Variants in PSTPIP2 observed in about 807,000 individuals in gnomAD.
PSTPIP2 encodes proline-serine-threonine phosphatase interacting protein 2, also known as proline-serine-threonine phosphatase-interacting protein 2.
A neutral mutation model predicts 63.3 loss-of-function variants in PSTPIP2; 33 were observed. That is an observed-to-expected ratio of 0.52 (90% CI 0.40 to 0.70). The LOEUF (loss-of-function observed/expected upper bound fraction) is 0.70, where lower values mean the gene tolerates loss of function less well. Among genes scored for constraint, PSTPIP2 ranks in the 30% least tolerant of loss-of-function variants. The pLI is 0.00. For missense variants in PSTPIP2, 312 were observed against 400.7 expected, an observed-to-expected ratio of 0.78 and a Z score of 1.89; for synonymous variants, 125 against 132.7, an observed-to-expected ratio of 0.94 and a Z score of 0.40.
chr18:46,029,433 ATG>A, intron 2 of PSTPIP2: 1 of 1,398,572 alleles, frequency 7.2e-7, no homozygotes, highest in South Asian at 1.2e-5. Flanking sequence ...TATGTTTGGG[ATG>A]TGAACTCAAG....
At chr18:46,002,490 T>A (rs751607694) in intron 6 of PSTPIP2, among the ~76,000 whole-genome samples, 3 of 152,250 alleles carry the variant, frequency 2.0e-5, no homozygotes, top group Admixed American at 6.5e-5. Context: ...GTTAACCAAT[T>A]CTTTCTTCTG....
At chr18:45,987,277 C>T (rs540664126) in intron 14 of PSTPIP2, among the ~76,000 whole-genome samples, 7 of 152,204 alleles carry the variant, frequency 4.6e-5, no homozygotes, top group South Asian at 4.1e-4. Context: ...TGGTATAGAA[C>T]GCTATAGAAA....
chr18:46,005,558 A>AT (rs1258727844), intron 5 of PSTPIP2, 27 bp from the exon 6 acceptor site: 1 of 1,476,572 alleles, frequency 6.8e-7, no homozygotes, highest in Admixed American at 1.9e-5. Flanking sequence ...AACACTCTTA[A>AT]TAAAAACACA....
chr18:46,045,725 G>GA lies in PSTPIP2; in HGVS notation c.34-5679dup, dbSNP rs1908361663. On this transcript the variant is annotated intron_variant, in intron 1 of 14. Transcript: ENST00000409746. Reference sequence around the variant, plus strand: ...TACCAAGGGCCTAGAATAGACAAAAGAAAAAAACATTTTTTTAAAGAAAAA... The same window carrying GA: ...TACCAAGGGCCTAGAATAGACAAAAGAAAAAAAACATTTTTTTAAAGAAAAA... Among the ~76,000 whole-genome samples, 7 of 151,912 alleles carry GA rather than the reference G, an allele frequency of 4.6e-5. No homozygotes were observed. In the South Asian group the frequency reaches 1.3e-3, roughly 27 times the overall value.
At chr18:46,001,052 A>C (rs951547273) in intron 6 of PSTPIP2, among the ~76,000 whole-genome samples, 2 of 152,248 alleles carry the variant, frequency 1.3e-5, no homozygotes, top group African/African-American at 4.8e-5. Context: ...GAAGGACATT[A>C]TGTTAAGTGA....
rs375353057 is a variant in PSTPIP2 at position 45,992,852 on chromosome 18, A to T, written c.742-650T>A. On this transcript the variant is annotated intron_variant, in intron 10 of 14. Coordinates refer to ENST00000409746, the MANE Select transcript of PSTPIP2 (RefSeq NM_024430.4). ...ATTCCCCTGCCTCAGCCTCCCAAGT[A>T]GCTGGGATTAGAGGCACATGCCACC... 3.3e-5 allele frequency among the ~76,000 whole-genome samples: 5 copies of T among 151,876 alleles called. No homozygotes were observed. The East Asian group carries it at 9.8e-4, about 30-fold the overall frequency.
chr18:46,016,359 A>G (rs2051852413), intron 3 of PSTPIP2: 1 of 163,684 alleles, frequency 6.1e-6, no homozygotes, highest in South Asian at 1.7e-4. Context: ...GCAAAACTCC[A>G]TCTCAAAATA....
chr18:45,994,356 G>A (rs1262030146), intron 9 of PSTPIP2, among the ~76,000 whole-genome samples: 2 of 152,122 alleles, frequency 1.3e-5, no homozygotes, highest in Non-Finnish European at 2.9e-5. Flanking sequence ...TAACATGAAT[G>A]AATTTTACAT....
chr18:46,015,823 A>C, intron 4 of PSTPIP2, 80 bp downstream of exon 4: 3 of 1,476,854 alleles, frequency 2.0e-6, no homozygotes, highest in Non-Finnish European at 2.8e-6. Context: ...ACTGCTGTTC[A>C]AATTAAAACA....
At chr18:46,003,606 A>G (rs548898728) in intron 6 of PSTPIP2, among the ~76,000 whole-genome samples, 1 of 151,570 alleles carries the variant, frequency 6.6e-6, no homozygotes, top group South Asian at 2.1e-4. Context: ...TTTTTGGTCT[A>G]TGACCATTGG....
chr18:46,016,125 C>T, intron 3 of PSTPIP2, 188 bp from the exon 4 acceptor site: 1 of 603,526 alleles, frequency 1.7e-6, no homozygotes, highest in Non-Finnish European at 3.0e-6. Context: ...ATCCCAGGCA[C>T]AAGAAATTCT....
intron 1 of PSTPIP2, among the ~76,000 whole-genome samples, chr18:46,061,656 A>G (rs1425780299): frequency 6.6e-6 from 1 of 152,226 alleles, no homozygotes; most frequent in East Asian, 1.9e-4. Flanking sequence ...AGCTTGGGAC[A>G]GACAGCCCAC....
chr18:46,057,108 GA>G (rs926937445), intron 1 of PSTPIP2, among the ~76,000 whole-genome samples: 1 of 151,756 alleles, frequency 6.6e-6, no homozygotes, highest in African/African-American at 2.4e-5. Context: ...CATCTCAAAG[GA>G]AAAAAACTAC....
rs1467661032 is a variant in PSTPIP2 at position 46,017,803 on chromosome 18, A to C, written c.213-1866T>G. Reference sequence around the variant, plus strand: ...AAAATCTACTCTCTTAGTGGTTTTCAAGAATATAATACATTATTATTACAG... The same window carrying C: ...AAAATCTACTCTCTTAGTGGTTTTCCAGAATATAATACATTATTATTACAG... On this transcript the variant is annotated intron_variant, in intron 3 of 14. Transcript: ENST00000409746. 2.6e-5 allele frequency among the ~76,000 whole-genome samples: 4 copies of C among 152,138 alleles called. No homozygotes were observed. The South Asian group carries it at 8.3e-4, about 31-fold the overall frequency.
At chr18:46,006,014 T>C (rs755402031) in intron 5 of PSTPIP2, among the ~76,000 whole-genome samples, 56 of 152,172 alleles carry the variant, frequency 3.7e-4, no homozygotes, top group Non-Finnish European at 6.2e-4. Flanking sequence ...AAAAAGAATT[T>C]GTAAGACAAC....
intron 1 of PSTPIP2, among the ~76,000 whole-genome samples, chr18:46,068,474 A>T (rs1264117598): frequency 6.6e-6 from 1 of 151,764 alleles, no homozygotes; most frequent in Non-Finnish European, 1.5e-5. Flanking sequence ...ATTTTTTTGT[A>T]TTTTTAGTAG....
At chr18:46,011,645 C>T (rs1292172662) in intron 4 of PSTPIP2, among the ~76,000 whole-genome samples, 1 of 152,116 alleles carries the variant, frequency 6.6e-6, no homozygotes, top group Non-Finnish European at 1.5e-5. Flanking sequence ...TGTAGATGAC[C>T]TCTAAGTTTC....
intron 1 of PSTPIP2, among the ~76,000 whole-genome samples, chr18:46,065,236 C>G (rs570767744): frequency 4.7e-5 from 7 of 149,290 alleles, no homozygotes; most frequent in African/African-American, 1.5e-4. Flanking sequence ...GTATCACTCA[C>G]AAAACTTTTC....
chr18:46,019,799 TCAAAAA>T (rs1287610152), intron 3 of PSTPIP2, among the ~76,000 whole-genome samples: 1 of 152,034 alleles, frequency 6.6e-6, no homozygotes, highest in Non-Finnish European at 1.5e-5. Context: ...AGACTCCATC[TCAAAAA>T]CAAAAATCAA....
Sources: gnomAD v4.1 joint callset for allele counts (sites outside exome capture counted in the v4.1 genomes callset) on GRCh38, gnomAD v4.1.1 for gene constraint, MANE v1.5 for transcripts, NCBI Gene and HGNC (gene_info 2026-07-23, HGNC 2026-07-21) for gene names.